NPAS2: variants seen among roughly 807,000 people sequenced by gnomAD.
The protein encoded by NPAS2 is neuronal PAS domain protein 2.
Under a neutral mutation model 107.5 loss-of-function variants are expected in NPAS2, and 23 were observed. That is an observed-to-expected ratio of 0.21 (90% CI 0.15 to 0.30). The LOEUF is 0.30. NPAS2 is among the 10% of genes least tolerant of loss of function. NPAS2 has a pLI of 1.00. For missense variants in NPAS2, 756 were observed against 1,043.3 expected (o/e 0.72, Z 3.79); for synonymous variants, 403 against 417.5 (o/e 0.97, Z 0.42).
intron 1 of NPAS2, among the ~76,000 whole-genome samples, chr2:100,871,481 C>T (rs1679583870): frequency 6.6e-6 from 1 of 152,078 alleles, no homozygotes; most frequent in Non-Finnish European, 1.5e-5. Flanking sequence ...CAGGCACATG[C>T]TGCTGTGCTT....
rs1380995470 is a variant in NPAS2 at position 100,967,382 on chromosome 2, A to G, written c.908-899A>G. On this transcript the variant is annotated intron_variant, in intron 10 of 20. Transcript: ENST00000335681. Reference sequence around the variant, plus strand: ...GCTGGGACAACAGACGCCCGCCACCACACCCGGCTAATTTTTTGTATTTTT... The same window carrying G: ...GCTGGGACAACAGACGCCCGCCACCGCACCCGGCTAATTTTTTGTATTTTT... Among the ~76,000 whole-genome samples, 10 of 148,088 alleles carry G rather than the reference A, an allele frequency of 6.8e-5. No individual in the cohort carries two copies. The East Asian group carries it at 2.1e-3, about 30-fold the overall frequency.
At chr2:100,841,366 G>A (rs1179820209) in intron 1 of NPAS2, among the ~76,000 whole-genome samples, 1 of 152,262 alleles carries the variant, frequency 6.6e-6, no homozygotes, top group Non-Finnish European at 1.5e-5. Flanking sequence ...TGATGAACCC[G>A]GGGGGTGGAG....
chr2:100,863,939 G>A (rs983287), intron 1 of NPAS2, among the ~76,000 whole-genome samples: 121,281 of 152,082 alleles, frequency 0.8, 48,534 homozygotes, highest in African/African-American at 0.84. Flanking sequence ...AATTTGTCAC[G>A]CTGCCAAATC....
At chr2:100,836,821 G>A (rs1229138641) in intron 1 of NPAS2, among the ~76,000 whole-genome samples, 2 of 152,172 alleles carry the variant, frequency 1.3e-5, no homozygotes, top group Non-Finnish European at 2.9e-5. Context: ...GAGGAATGGG[G>A]TTTTCCTCCA....
At chr2:100,979,809 C>T (rs957419167) in intron 15 of NPAS2, among the ~76,000 whole-genome samples, 5 of 152,104 alleles carry the variant, frequency 3.3e-5, no homozygotes, top group South Asian at 2.1e-4. Flanking sequence ...GGATTACAGG[C>T]GTGAGCCACC....
chr2:100,971,819 C>T (rs1676586030), intron 12 of NPAS2, among the ~76,000 whole-genome samples: 1 of 151,802 alleles, frequency 6.6e-6, no homozygotes, highest in Admixed American at 6.6e-5. Context: ...GAGCCCTGTT[C>T]CTCGGAGTCC....
intron 1 of NPAS2, among the ~76,000 whole-genome samples, chr2:100,850,199 A>C (rs1031578260): frequency 1.3e-5 from 2 of 152,188 alleles, no homozygotes; most frequent in Admixed American, 6.5e-5. Flanking sequence ...AGGAATTTGC[A>C]GAAAAGAATT....
chr2:100,901,797 A>G (rs1001628168), intron 1 of NPAS2, among the ~76,000 whole-genome samples: 1 of 151,146 alleles, frequency 6.6e-6, no homozygotes, highest in Non-Finnish European at 1.5e-5. Context: ...CCTACTCCCC[A>G]CCCACACCTT....
intron 1 of NPAS2, among the ~76,000 whole-genome samples, chr2:100,856,341 T>C (rs1005130421): frequency 6.6e-6 from 1 of 152,188 alleles, no homozygotes; most frequent in Non-Finnish European, 1.5e-5. Flanking sequence ...TACATGACTA[T>C]CCACATTCCC....
At chr2:100,915,634 G>A (rs1056191856) in intron 2 of NPAS2, among the ~76,000 whole-genome samples, 1 of 152,052 alleles carries the variant, frequency 6.6e-6, no homozygotes, top group African/African-American at 2.4e-5. Flanking sequence ...CTTCTGATAG[G>A]GGTAAAATAT....
chr2:100,818,914 A>G (rs987003434), upstream of NPAS2, among the ~76,000 whole-genome samples: 29 of 152,246 alleles, frequency 1.9e-4, no homozygotes, highest in African/African-American at 6.5e-4. Context: ...GTGAAGGGGA[A>G]ACCGGCCACG....
chr2:100,958,433 C>T (rs942289150), intron 7 of NPAS2, among the ~76,000 whole-genome samples: 3 of 152,172 alleles, frequency 2.0e-5, no homozygotes, highest in Admixed American at 6.5e-5. Context: ...TGGACGGCTT[C>T]GTGGAAGGAG....
At chr2:100,931,305 C>T (rs1683939707) in intron 3 of NPAS2, among the ~76,000 whole-genome samples, 1 of 152,138 alleles carries the variant, frequency 6.6e-6, no homozygotes, top group Non-Finnish European at 1.5e-5. Context: ...CTCATAGCAG[C>T]TCTTTTCTGC....
chr2:100,996,590 TTGTTA>T lies in NPAS2; in HGVS notation c.*1013_*1017del, dbSNP rs1306659200. 4 of 152,784 alleles carry T rather than the reference TTGTTA, an allele frequency of 2.6e-5. No homozygotes were observed. The highest frequency in any genetic ancestry group is 6.5e-5 in the Admixed American group (1 of 15,302). The allele number at this position is 152,784 out of a possible 1,614,324, so 9.5% of individuals were successfully genotyped here. A position where few individuals can be genotyped will look rare whatever the true frequency, so the allele number is the denominator to read the frequency against. ...ATGCACTTTGCTTTTTTTGTATGTT[TTGTTA>T]TGTTGAGATGTTTCTAAAGAAAAGA... On this transcript the variant is annotated 3_prime_UTR_variant, in exon 21 of 21. Transcript: ENST00000335681.
At chr2:100,897,624 G>GC (rs1681495250) in intron 1 of NPAS2, among the ~76,000 whole-genome samples, 1 of 152,140 alleles carries the variant, frequency 6.6e-6, no homozygotes, top group African/African-American at 2.4e-5. Context: ...AGCTCACATA[G>GC]CATCTCATCA....
At chr2:100,921,257 G>T (rs1274653711) in intron 2 of NPAS2, among the ~76,000 whole-genome samples, 1 of 152,176 alleles carries the variant, frequency 6.6e-6, no homozygotes, top group African/African-American at 2.4e-5. Flanking sequence ...TCAGTGCCTC[G>T]CTCCTTCCCC....
At chr2:100,946,813 G>A (rs933529274) in intron 5 of NPAS2, among the ~76,000 whole-genome samples, 2 of 152,106 alleles carry the variant, frequency 1.3e-5, no homozygotes, top group Non-Finnish European at 2.9e-5. Flanking sequence ...ATGGAGCAGA[G>A]AATTTGAGGG....
At chr2:100,988,345 A>G in intron 17 of NPAS2, 69 bp downstream of exon 17, 1 of 1,367,872 alleles carries the variant, frequency 7.3e-7, no homozygotes, top group Non-Finnish European at 1.0e-6. Context: ...TTTGGGACAT[A>G]CTTGATTCCT....
chr2:100,974,865 C>T lies in NPAS2; in HGVS notation c.1203C>T (p.Gly401=), dbSNP rs1676864498. Residue 401 remains glycine (G), a synonymous_variant, in exon 13 of 21, where the codon GGC becomes GGT. Coordinates refer to ENST00000335681, the MANE Select transcript of NPAS2 (RefSeq NM_002518.4). ...ACACACTCGACGTGGGTGCCTCGGG[C>T]CTTAATACCAGTCATTCGCCATCGG... ...HFNTLDVGAS[G]LNTSHSPSAS... 1.9e-6 allele frequency: 3 copies of T among 1,614,126 alleles called. No homozygotes were observed. The highest frequency in any genetic ancestry group is 2.5e-6 in the Non-Finnish European group (3 of 1,179,996).
Sources: gnomAD v4.1 joint callset for allele counts (sites outside exome capture counted in the v4.1 genomes callset) on GRCh38, gnomAD v4.1.1 for gene constraint, MANE v1.5 for transcripts, NCBI Gene and HGNC (gene_info 2026-07-23, HGNC 2026-07-21) for gene names.